The following KSR2 variants were observed in gnomAD, a reference collection of about 807,000 sequenced individuals.
The protein encoded by KSR2 is kinase suppressor of ras 2.
In KSR2, 25 loss-of-function variants were observed where a neutral mutation model predicts 107.8. The observed-to-expected ratio is 0.23, with a 90% CI of 0.17 to 0.32. The LOEUF (loss-of-function observed/expected upper bound fraction) is 0.32. KSR2 is among the 10% of genes least tolerant of loss of function. The probability of loss-of-function intolerance (pLI) is 1.00; values close to 1 mark genes in which losing one functional copy is unlikely to be tolerated. For synonymous variants in KSR2, 480 were observed against 507.0 expected (o/e 0.95, Z 0.71); for missense variants, 887 against 1,268.9 (o/e 0.70, Z 4.57).
rs572632042 is a variant in KSR2, at chr12:117,621,689, T to C, written c.1172-39330A>G. ...CAATGCCATTTTCTTGTTCAGGTAA[T>C]ATATAGTGATGATGTAAGACAATAT... On this transcript the variant is annotated intron_variant, in intron 5 of 19. Coordinates refer to ENST00000339824, the MANE Select transcript of KSR2 (RefSeq NM_173598.6). Among the ~76,000 whole-genome samples the C allele has an allele frequency of 3.3e-5, 5 of 152,266 alleles. No individual in the cohort carries two copies. In the East Asian group the frequency reaches 9.6e-4, roughly 29 times the overall value.
rs189047953 is a variant in KSR2 at position 117,756,591 on chromosome 12, T to C, written c.986+4420A>G. On this transcript the variant is annotated intron_variant, in intron 4 of 19. Coordinates refer to ENST00000339824, the MANE Select transcript of KSR2 (RefSeq NM_173598.6). ...GCTCAACCAAAACCTCTGATGAAGA[T>C]GTACAAACAGATTATGTGATTTTCA... is the stretch of plus-strand genomic sequence containing the variant. Among the ~76,000 whole-genome samples, 21 of 152,364 alleles carry C rather than the reference T, an allele frequency of 1.4e-4. No individual in the cohort carries two copies. The East Asian group carries it at 3.5e-3, about 25-fold the overall frequency.
rs117465550 is a variant in KSR2, at chr12:117,505,598, A to G, written c.2219+19254T>C. 5.9e-3 allele frequency among the ~76,000 whole-genome samples: 904 copies of G among 152,328 alleles called. 2 individuals carry two copies. The highest frequency in any genetic ancestry group is 0.014 in the Middle Eastern group (4 of 294). ...AGCGTAAAGTATGTATAATGTGCTCAGCACACTGCATAGCACCTGACAAGG... is the reference window on the plus strand; with the variant it reads ...AGCGTAAAGTATGTATAATGTGCTCGGCACACTGCATAGCACCTGACAAGG... On this transcript the variant is annotated intron_variant, in intron 14 of 19. Transcript: ENST00000339824.
intron 1 of KSR2, among the ~76,000 whole-genome samples, chr12:117,868,773 C>T (rs1479683853): frequency 2.7e-5 from 4 of 149,640 alleles, no homozygotes; most frequent in Non-Finnish European, 5.9e-5. Context: ...TTTTTTGAGA[C>T]AGAGTCTTAC....
chr12:117,645,800 C>T (rs140452963), intron 5 of KSR2, among the ~76,000 whole-genome samples: 3 of 152,160 alleles, frequency 2.0e-5, no homozygotes, highest in Admixed American at 6.5e-5. Flanking sequence ...TCTGCTTGAA[C>T]TCTTCTTACA....
intron 14 of KSR2, among the ~76,000 whole-genome samples, chr12:117,520,407 G>C (rs75256768): frequency 0.018 from 2,698 of 152,204 alleles, 74 homozygotes; most frequent in African/African-American, 0.062. Context: ...CAGCAAAAAG[G>C]CTCAGCCACG....
At chr12:117,901,333 C>T (rs1309681901) in intron 1 of KSR2, among the ~76,000 whole-genome samples, 1 of 148,300 alleles carries the variant, frequency 6.7e-6, no homozygotes, top group Non-Finnish European at 1.5e-5. Context: ...GACAGAATCT[C>T]ACTCTGTTAC....
chr12:117,876,060 G>A (rs1051594875), intron 1 of KSR2, among the ~76,000 whole-genome samples: 2 of 152,182 alleles, frequency 1.3e-5, no homozygotes, highest in African/African-American at 2.4e-5. Context: ...AGCGGGCACA[G>A]TGCACCTGCA....
chr12:117,580,207 C>T (rs1879558246), intron 6 of KSR2, among the ~76,000 whole-genome samples: 1 of 152,160 alleles, frequency 6.6e-6, no homozygotes, highest in African/African-American at 2.4e-5. Flanking sequence ...ACAGAATAAG[C>T]CACAGCCCAA....
intron 5 of KSR2, among the ~76,000 whole-genome samples, chr12:117,584,371 G>A (rs112619154): frequency 2.5e-4 from 38 of 151,994 alleles, no homozygotes; most frequent in African/African-American, 7.7e-4. Context: ...ACTCCTTAAG[G>A]TGCTTTCTCC....
chr12:117,555,888 A>G (rs935208146), intron 8 of KSR2, among the ~76,000 whole-genome samples: 1 of 152,228 alleles, frequency 6.6e-6, no homozygotes, highest in African/African-American at 2.4e-5. Flanking sequence ...CTCACAGGGA[A>G]CACAGCAAGG....
At chr12:117,678,527 G>C (rs1885236917) in intron 4 of KSR2, among the ~76,000 whole-genome samples, 1 of 152,172 alleles carries the variant, frequency 6.6e-6, no homozygotes, top group African/African-American at 2.4e-5. Flanking sequence ...AAGAAGCAAA[G>C]GAGTTTTCCT....
intron 4 of KSR2, among the ~76,000 whole-genome samples, chr12:117,701,440 GA>G (rs1433425073): frequency 1.3e-5 from 2 of 152,094 alleles, no homozygotes; most frequent in Non-Finnish European, 2.9e-5. Context: ...CACCTTTGCT[GA>G]AAATCCTTCA....
At chr12:117,879,592 C>T (rs550547508) in intron 1 of KSR2, among the ~76,000 whole-genome samples, 372 of 152,308 alleles carry the variant, frequency 2.4e-3, no homozygotes, top group Non-Finnish European at 4.1e-3. Context: ...TGGCACACAC[C>T]TGTAGTCCCA....
At chr12:117,817,001 A>T (rs935304230) in intron 3 of KSR2, among the ~76,000 whole-genome samples, 13 of 152,002 alleles carry the variant, frequency 8.6e-5, no homozygotes, top group Non-Finnish European at 1.5e-4. Context: ...TCTTCTTTCC[A>T]TTTGGCTTTC....
chr12:117,595,789 C>T (rs1482724244), intron 5 of KSR2, among the ~76,000 whole-genome samples: 1 of 152,146 alleles, frequency 6.6e-6, no homozygotes, highest in Non-Finnish European at 1.5e-5. Context: ...TAGGCCTGTC[C>T]CTCTTATCAG....
intron 4 of KSR2, among the ~76,000 whole-genome samples, chr12:117,679,303 T>C (rs117352720): frequency 6.6e-6 from 1 of 152,188 alleles, no homozygotes; most frequent in South Asian, 2.1e-4. Context: ...CATTAACTCA[T>C]GCGGTCCTCA....
intron 1 of KSR2, among the ~76,000 whole-genome samples, chr12:117,930,575 G>A (rs184946848): frequency 9.7e-4 from 148 of 152,248 alleles, no homozygotes; most frequent in African/African-American, 3.5e-3. Context: ...TGAGTGCCCA[G>A]CATATAGTAA....
intron 5 of KSR2, among the ~76,000 whole-genome samples, chr12:117,664,028 A>G (rs995037319): frequency 1.3e-5 from 2 of 152,206 alleles, no homozygotes; most frequent in African/African-American, 4.8e-5. Context: ...TCCCATGGTG[A>G]ACAGAAGCGT....
intron 3 of KSR2, among the ~76,000 whole-genome samples, chr12:117,794,305 ACACACACCAACATGCACT>A (rs1593244927): frequency 1.2e-5 from 1 of 85,916 alleles, no homozygotes; most frequent in East Asian, 6.2e-4. Flanking sequence ...ACCAACATGC[ACACACACCAACATGCACT>A]CACACCAACA....
Sources: gnomAD v4.1 joint callset for allele counts (sites outside exome capture counted in the v4.1 genomes callset) on GRCh38, gnomAD v4.1.1 for gene constraint, MANE v1.5 for transcripts, NCBI Gene and HGNC (gene_info 2026-07-23, HGNC 2026-07-21) for gene names.